The following INPP4B variants were observed in gnomAD, a reference collection of about 807,000 sequenced individuals.
INPP4B encodes inositol polyphosphate-4-phosphatase type II B, also known as inositol polyphosphate 4-phosphatase type II.
INPP4B carries 55 observed loss-of-function variants against 122.5 expected under a neutral mutation model. The ratio of observed to expected loss-of-function variants is 0.45; its 90% CI spans 0.36 to 0.56. INPP4B has a LOEUF of 0.56. INPP4B is among the 20% of genes least tolerant of loss of function. The pLI is 0.00. For synonymous variants in INPP4B, 403 were observed against 388.7 expected, an observed-to-expected ratio of 1.04 and a Z score of -0.43; for missense variants, 1,000 against 1,097.7, an observed-to-expected ratio of 0.91 and a Z score of 1.26.
chr4:142,091,317 T>C lies in INPP4B; in HGVS notation c.2375-5061A>G, dbSNP rs537031082. On this transcript the variant is annotated intron_variant, in intron 23 of 25. Coordinates refer to ENST00000262992, the MANE Select transcript of INPP4B (RefSeq NM_001101669.3). Reference sequence around the variant, plus strand: ...ATTCTACTGCTGCTTTGACGTGTAGTCTTAGGCAAATTGCTTAACCCTCTG... The same window carrying C: ...ATTCTACTGCTGCTTTGACGTGTAGCCTTAGGCAAATTGCTTAACCCTCTG... Among the ~76,000 whole-genome samples, 28 of 152,234 alleles carry C rather than the reference T, an allele frequency of 1.8e-4. No individual in the cohort carries two copies. The East Asian group carries it at 5.4e-3, about 29-fold the overall frequency.
At chr4:142,301,203 G>A (rs1201483529) in intron 9 of INPP4B, among the ~76,000 whole-genome samples, 1 of 151,962 alleles carries the variant, frequency 6.6e-6, no homozygotes, top group African/African-American at 2.4e-5. Context: ...ATGAAGTCTT[G>A]GTGCTAGCAT....
chr4:142,795,746 A>G (rs1271630141), intron 1 of INPP4B: 1 of 151,934 alleles, frequency 6.6e-6, no homozygotes, highest in Non-Finnish European at 1.5e-5. Flanking sequence ...AATGCGGCCA[A>G]AAAAACTATG....
At chr4:142,691,147 T>G (rs1250486440) in intron 2 of INPP4B, among the ~76,000 whole-genome samples, 2 of 152,120 alleles carry the variant, frequency 1.3e-5, no homozygotes, top group African/African-American at 4.8e-5. Context: ...TCTCTTTTCC[T>G]TCTCATCTTA....
intron 25 of INPP4B, among the ~76,000 whole-genome samples, chr4:142,057,870 G>T (rs1292835832): frequency 6.6e-6 from 1 of 151,898 alleles, no homozygotes; most frequent in Non-Finnish European, 1.5e-5. Context: ...TATTCCTTAA[G>T]ACCCAACTCA....
chr4:142,100,576 T>C (rs1784054521), intron 23 of INPP4B, among the ~76,000 whole-genome samples: 1 of 152,172 alleles, frequency 6.6e-6, no homozygotes, highest in African/African-American at 2.4e-5. Flanking sequence ...AATACTGCCA[T>C]TGAGAACTTG....
chr4:142,305,800 G>C, intron 8 of INPP4B: 1 of 1,222,224 alleles, frequency 8.2e-7, no homozygotes, highest in Middle Eastern at 2.3e-4. Context: ...AGCACCCAGA[G>C]TTGTTTCACT....
rs368968151 is a variant in INPP4B, at chr4:142,108,084, C to T, written c.2374+9G>A. The T allele has an allele frequency of 6.5e-6, 9 of 1,375,578 alleles. No individual in the cohort carries two copies. The highest frequency in any genetic ancestry group is 2.9e-5 in the African/African-American group (2 of 69,808). The allele number at this position is 1,375,578 out of a possible 1,614,324, so 85.2% of individuals were successfully genotyped here. A position where few individuals can be genotyped will look rare whatever the true frequency, so the allele number is the denominator to read the frequency against. On this transcript the variant is annotated intron_variant, in intron 23 of 25. Coordinates refer to ENST00000262992, the MANE Select transcript of INPP4B (RefSeq NM_001101669.3). ...TATTATTGCTGTCTTCTCTAACTCA[C>T]ATACTTACAATCAGGAGGCATCTTT...
intron 2 of INPP4B, among the ~76,000 whole-genome samples, chr4:142,573,934 A>G (rs999683383): frequency 2.6e-5 from 4 of 152,144 alleles, no homozygotes; most frequent in Non-Finnish European, 5.9e-5. Flanking sequence ...TTATTTGCAT[A>G]GAATTCTATA....
At chr4:142,762,004 G>A (rs546213251) in intron 1 of INPP4B, among the ~76,000 whole-genome samples, 51 of 152,236 alleles carry the variant, frequency 3.4e-4, no homozygotes, top group African/African-American at 1.2e-3. Flanking sequence ...ACAATTGGAT[G>A]TAAAAGAAAA....
At chr4:142,694,555 G>A (rs1760751883) in intron 2 of INPP4B, among the ~76,000 whole-genome samples, 1 of 152,084 alleles carries the variant, frequency 6.6e-6, no homozygotes. Context: ...TACTGTCTTT[G>A]CTACTTGTTT....
chr4:142,583,388 G>A (rs566421654), intron 2 of INPP4B: 10 of 152,238 alleles, frequency 6.6e-5, no homozygotes, highest in African/African-American at 2.2e-4. Flanking sequence ...ATCCCGCTAG[G>A]AAAAGGTAGC....
intron 25 of INPP4B, among the ~76,000 whole-genome samples, chr4:142,072,429 T>A (rs927771972): frequency 6.6e-6 from 1 of 151,430 alleles, no homozygotes; most frequent in African/African-American, 2.4e-5. Context: ...TATACATATG[T>A]AACTAACCTG....
At chr4:142,740,944 A>G (rs899099315) in intron 1 of INPP4B, among the ~76,000 whole-genome samples, 16 of 152,054 alleles carry the variant, frequency 1.1e-4, no homozygotes, top group Admixed American at 9.9e-4. Context: ...CAGAATTTTA[A>G]ATAAACCAAT....
At chr4:142,540,289 A>G (rs759584181) in intron 2 of INPP4B, among the ~76,000 whole-genome samples, 14 of 151,862 alleles carry the variant, frequency 9.2e-5, no homozygotes, top group Non-Finnish European at 1.8e-4. Flanking sequence ...TAATCTCCAA[A>G]TAGTATGGTC....
chr4:142,531,886 A>T (rs1388748705), intron 2 of INPP4B, among the ~76,000 whole-genome samples: 3 of 152,186 alleles, frequency 2.0e-5, no homozygotes, highest in African/African-American at 7.2e-5. Context: ...GACTAAGCTG[A>T]ATATAACTGA....
chr4:142,552,328 G>A (rs753377364), intron 2 of INPP4B, among the ~76,000 whole-genome samples: 14 of 152,094 alleles, frequency 9.2e-5, no homozygotes, highest in Non-Finnish European at 1.9e-4. Context: ...GCTCCCCAAT[G>A]ATGCTGAGGC....
intron 15 of INPP4B, among the ~76,000 whole-genome samples, chr4:142,177,314 T>A (rs1185426774): frequency 6.6e-6 from 1 of 152,242 alleles, no homozygotes; most frequent in Non-Finnish European, 1.5e-5. Context: ...AAATTTTATC[T>A]ACCTATTCAG....
chr4:142,644,929 A>T (rs1751415079), intron 2 of INPP4B, among the ~76,000 whole-genome samples: 1 of 149,772 alleles, frequency 6.7e-6, no homozygotes, highest in African/African-American at 2.4e-5. Context: ...AAAAAAAAGC[A>T]AAGAGAAACA....
intron 7 of INPP4B, among the ~76,000 whole-genome samples, chr4:142,376,995 A>G (rs574552230): frequency 2.0e-5 from 3 of 152,168 alleles, no homozygotes; most frequent in Admixed American, 1.3e-4. Context: ...ATGTATAGCC[A>G]TAATGTTACA....
Sources: allele counts gnomAD v4.1 joint callset (sites outside exome capture counted in the v4.1 genomes callset), GRCh38; gene constraint gnomAD v4.1.1; transcripts MANE v1.5; gene names NCBI Gene and HGNC (gene_info 2026-07-23, HGNC 2026-07-21).